The following SSBP3 variants were observed in gnomAD, a reference collection of about 807,000 sequenced individuals.
The protein encoded by SSBP3 is single stranded DNA binding protein 3.
Under a neutral mutation model 69.6 loss-of-function variants are expected in SSBP3, and 5 were observed. That is an observed-to-expected ratio of 0.07 (90% CI 0.04 to 0.15). SSBP3 has a LOEUF of 0.15. Among genes scored for constraint, SSBP3 ranks in the 10% least tolerant of loss-of-function variants. SSBP3 has a pLI of 1.00. For synonymous variants in SSBP3, 196 were observed against 193.4 expected (o/e 1.01, Z -0.11); for missense variants, 312 against 534.0 (o/e 0.58, Z 4.10).
intron 4 of SSBP3, among the ~76,000 whole-genome samples, chr1:54,289,555 C>T (rs1645566882): frequency 6.6e-6 from 1 of 152,066 alleles, no homozygotes; most frequent in African/African-American, 2.4e-5. Flanking sequence ...GTTGTGGTGA[C>T]AGAGAACTGA....
intron 4 of SSBP3, among the ~76,000 whole-genome samples, chr1:54,388,116 A>C (rs1444776437): frequency 6.6e-6 from 1 of 152,142 alleles, no homozygotes; most frequent in Non-Finnish European, 1.5e-5. Flanking sequence ...CTCACCGAGA[A>C]GCAAACTGTC....
At chr1:54,262,636 G>C (rs1645035678) in intron 5 of SSBP3, among the ~76,000 whole-genome samples, 1 of 152,236 alleles carries the variant, frequency 6.6e-6, no homozygotes, top group South Asian at 2.1e-4. Flanking sequence ...GGGGCTCCAA[G>C]AGAGGGTGAT....
At chr1:54,284,462 T>A (rs972878057) in intron 4 of SSBP3, among the ~76,000 whole-genome samples, 42 of 149,748 alleles carry the variant, frequency 2.8e-4, no homozygotes, top group South Asian at 1.9e-3. Context: ...AGTTATAATT[T>A]AAAAAAAAAA....
At position 54,272,657 on chromosome 1, in the gene SSBP3, C is replaced by T. The variant is rs957387341; in HGVS notation, c.366+8781G>A. Reference sequence around the variant, plus strand: ...CCCCCTATGAAGGACAGAAGGACCTCGTGGGGGCAGAGGGAGCAGCCACGG... The same window carrying T: ...CCCCCTATGAAGGACAGAAGGACCTTGTGGGGGCAGAGGGAGCAGCCACGG... On this transcript the variant is annotated intron_variant, in intron 5 of 17. Coordinates refer to ENST00000610401, the Ensembl canonical transcript of SSBP3. Among the ~76,000 whole-genome samples the T allele has an allele frequency of 4.6e-5, 7 of 152,228 alleles. No homozygotes were observed. The East Asian group carries it at 9.7e-4, about 21-fold the overall frequency.
In SSBP3 at chr1:54,364,338, G is replaced by A. The variant is rs369733101; in HGVS notation, c.276+37523C>T. Among the ~76,000 whole-genome samples the A allele has an allele frequency of 3.3e-5, 5 of 152,164 alleles. No homozygotes were observed. In the East Asian group the frequency reaches 7.7e-4, roughly 23 times the overall value. ...TCAAGTACATTCCATCACAAAGGCT[G>A]CCGTAATAGACAGGTTCCAAAGAAT... On this transcript the variant is annotated intron_variant, in intron 4 of 17. Coordinates refer to ENST00000610401, the Ensembl canonical transcript of SSBP3.
intron 4 of SSBP3, among the ~76,000 whole-genome samples, chr1:54,383,958 T>G (rs985204777): frequency 1.3e-5 from 2 of 151,800 alleles, no homozygotes; most frequent in African/African-American, 4.8e-5. Context: ...TACAAAAAAT[T>G]AGCCGGGCAT....
intron 4 of SSBP3, among the ~76,000 whole-genome samples, chr1:54,363,132 A>C (rs1211628127): frequency 6.6e-6 from 1 of 152,190 alleles, no homozygotes; most frequent in Non-Finnish European, 1.5e-5. Context: ...CCACTCTAGC[A>C]CAGCCCCTGA....
At chr1:54,392,046 G>T (rs1557588546) in intron 4 of SSBP3, among the ~76,000 whole-genome samples, 1 of 151,548 alleles carries the variant, frequency 6.6e-6, no homozygotes, top group East Asian at 1.9e-4. Flanking sequence ...CCACTCCAGA[G>T]TGGTCCAGGC....
At chr1:54,233,670 A>G in intron 14 of SSBP3, among the ~76,000 whole-genome samples, 1 of 100,504 alleles carries the variant, frequency 9.9e-6, no homozygotes, top group Non-Finnish European at 2.0e-5. Flanking sequence ...CTGGGAAGTG[A>G]GGAGCCCCTC....
intron 4 of SSBP3, among the ~76,000 whole-genome samples, chr1:54,393,479 G>A (rs544434276): frequency 4.6e-5 from 7 of 152,228 alleles, no homozygotes; most frequent in East Asian, 1.9e-4. Context: ...AGACCAGGCC[G>A]GAGGTGAGGT....
At chr1:54,391,568 C>G (rs1648498631) in intron 4 of SSBP3, among the ~76,000 whole-genome samples, 1 of 152,206 alleles carries the variant, frequency 6.6e-6, no homozygotes, top group Non-Finnish European at 1.5e-5. Flanking sequence ...TCTCAAACAG[C>G]CTTTTGTGAC....
At chr1:54,276,690 G>A (rs1297557465) in intron 5 of SSBP3, among the ~76,000 whole-genome samples, 2 of 145,890 alleles carry the variant, frequency 1.4e-5, no homozygotes, top group Non-Finnish European at 3.0e-5. Context: ...TCTCCACGAA[G>A]CCACTGGAAC....
In SSBP3 at chr1:54,346,107, G is replaced by C. The variant is rs551617268; in HGVS notation, c.276+55754C>G. Among the ~76,000 whole-genome samples the C allele has an allele frequency of 2.1e-3, 323 of 151,862 alleles. 3 individuals carry two copies. The highest frequency in any genetic ancestry group is 7.3e-3 in the African/African-American group (304 of 41,394). Reference sequence around the variant, plus strand: ...GAACTCAAGAGGCAGAGGTTGCAGTGAGCTGAGATCGTGCCATTGCACTCC... The same window carrying C: ...GAACTCAAGAGGCAGAGGTTGCAGTCAGCTGAGATCGTGCCATTGCACTCC... On this transcript the variant is annotated intron_variant, in intron 4 of 17. Coordinates refer to ENST00000610401, the Ensembl canonical transcript of SSBP3.
At chr1:54,286,103 G>C (rs752365791) in intron 4 of SSBP3, among the ~76,000 whole-genome samples, 72 of 152,028 alleles carry the variant, frequency 4.7e-4, no homozygotes, top group Non-Finnish European at 6.6e-4. Context: ...GTTCATTATA[G>C]GCCATTTTGT....
intron 1 of SSBP3, among the ~76,000 whole-genome samples, chr1:54,412,457 T>G (rs1368266484): frequency 6.6e-6 from 1 of 152,188 alleles, no homozygotes; most frequent in African/African-American, 2.4e-5. Flanking sequence ...GGACAAATAC[T>G]CTACGATTCC....
chr1:54,282,452 G>A (rs1645412644), intron 4 of SSBP3, among the ~76,000 whole-genome samples: 1 of 152,220 alleles, frequency 6.6e-6, no homozygotes, highest in African/African-American at 2.4e-5. Flanking sequence ...CGAAGTGGGG[G>A]GACCGTCATT....
At chr1:54,339,481 T>C (rs555266825) in intron 4 of SSBP3, among the ~76,000 whole-genome samples, 29 of 152,268 alleles carry the variant, frequency 1.9e-4, no homozygotes, top group African/African-American at 6.7e-4. Flanking sequence ...ACAGGAATGA[T>C]AGCAGTAATT....
chr1:54,264,629 C>A (rs945132089), intron 5 of SSBP3, among the ~76,000 whole-genome samples: 3 of 152,218 alleles, frequency 2.0e-5, no homozygotes, highest in Admixed American at 1.3e-4. Context: ...TGGGTCTTGG[C>A]AGAGCATCCC....
intron 4 of SSBP3, among the ~76,000 whole-genome samples, chr1:54,350,309 A>C (rs986650389): frequency 6.6e-6 from 1 of 152,222 alleles, no homozygotes; most frequent in African/African-American, 2.4e-5. Context: ...AAAACACAAG[A>C]GCAGCCCCTG....
Sources: gnomAD v4.1 joint callset for allele counts (sites outside exome capture counted in the v4.1 genomes callset) on GRCh38, gnomAD v4.1.1 for gene constraint, MANE v1.5 for transcripts, NCBI Gene and HGNC (gene_info 2026-07-23, HGNC 2026-07-21) for gene names.